CORO2B: variants seen among roughly 807,000 people sequenced by gnomAD.
CORO2B encodes coronin-2B.
In CORO2B, 26 loss-of-function variants were observed where a neutral mutation model predicts 58.8. The ratio of observed to expected loss-of-function variants is 0.44; its 90% CI spans 0.32 to 0.61. The LOEUF (loss-of-function observed/expected upper bound fraction) is 0.61, where lower values mean the gene tolerates loss of function less well. CORO2B is among the 20% of genes least tolerant of loss of function. CORO2B has a pLI of 0.04. For synonymous variants in CORO2B, 242 were observed against 253.8 expected, an observed-to-expected ratio of 0.95 and a Z score of 0.44; for missense variants, 460 against 645.1, an observed-to-expected ratio of 0.71 and a Z score of 3.11.
rs370341225 is a variant in CORO2B, at chr15:68,591,001, C to T, written c.15+11724C>T. ...AAAAAATTTGCTGAGCCCTGTGTGC[C>T]AGGCCCTAAGCGGCATTGAGGGTGC... On this transcript the variant is annotated intron_variant, in intron 1 of 11. Coordinates refer to ENST00000261861, the MANE Select transcript of CORO2B (RefSeq NM_006091.5). 2.6e-5 allele frequency among the ~76,000 whole-genome samples: 4 copies of T among 152,178 alleles called. No individual in the cohort carries two copies. The East Asian group carries it at 7.7e-4, about 29-fold the overall frequency.
At chr15:68,545,104 C>T in the CORO2B span, among the ~76,000 whole-genome samples, 8 of 152,092 alleles carry the variant, frequency 5.3e-5, no homozygotes, top group Non-Finnish European at 8.8e-5. Context: ...GGGTGGGAAT[C>T]GGTGTCCATA....
intron 2 of CORO2B, among the ~76,000 whole-genome samples, chr15:68,694,004 T>A (rs561627146): frequency 6.6e-6 from 1 of 152,196 alleles, no homozygotes; most frequent in Admixed American, 6.5e-5. Context: ...CCTGCTTAAT[T>A]TTTGTATTTT....
chr15:68,722,974 G>C (rs1255075823), intron 11 of CORO2B, among the ~76,000 whole-genome samples: 1 of 152,008 alleles, frequency 6.6e-6, no homozygotes, highest in Non-Finnish European at 1.5e-5. Flanking sequence ...GGCTGAGGCA[G>C]GAGAATCACT....
intron 2 of CORO2B, among the ~76,000 whole-genome samples, chr15:68,668,954 T>C (rs974267659): frequency 3.9e-5 from 6 of 152,078 alleles, no homozygotes; most frequent in Non-Finnish European, 8.8e-5. Flanking sequence ...GGCATGTGCC[T>C]GTAATCCCAA....
chr15:68,581,744 A>G (rs763350812), intron 1 of CORO2B, among the ~76,000 whole-genome samples: 10 of 152,132 alleles, frequency 6.6e-5, no homozygotes, highest in Non-Finnish European at 1.5e-4. Flanking sequence ...AACCCTAAAG[A>G]GGGTGTGAGA....
At chr15:68,642,560 G>A (rs1422080649) in intron 1 of CORO2B, among the ~76,000 whole-genome samples, 1 of 152,178 alleles carries the variant, frequency 6.6e-6, no homozygotes, top group Non-Finnish European at 1.5e-5. Flanking sequence ...GGCCTGCCAC[G>A]AGGCCAGTTA....
intron 2 of CORO2B, among the ~76,000 whole-genome samples, chr15:68,664,887 G>A (rs1251707994): frequency 2.6e-5 from 4 of 152,088 alleles, no homozygotes; most frequent in Admixed American, 2.0e-4. Context: ...CTTATTGATG[G>A]AAGAAGTCCT....
chr15:68,637,810 C>T (rs1308419725), intron 1 of CORO2B, among the ~76,000 whole-genome samples: 1 of 152,206 alleles, frequency 6.6e-6, no homozygotes, highest in Non-Finnish European at 1.5e-5. Flanking sequence ...AATGTAGCCA[C>T]ATTGCCCCCT....
intron 1 of CORO2B, among the ~76,000 whole-genome samples, chr15:68,621,162 A>G (rs1900505166): frequency 6.6e-6 from 1 of 152,136 alleles, no homozygotes; most frequent in Admixed American, 6.5e-5. Flanking sequence ...GCCATAAGCA[A>G]TGTAGCCACA....
intron 2 of CORO2B, among the ~76,000 whole-genome samples, chr15:68,694,590 T>G (rs912671471): frequency 2.6e-5 from 4 of 152,124 alleles, no homozygotes; most frequent in Non-Finnish European, 4.4e-5. Flanking sequence ...TGTAAGAGTA[T>G]ATAGGTGGAC....
In CORO2B at chr15:68,715,321, C is replaced by T. The variant is rs1893007893; in HGVS notation, c.967+10C>T. ...CCGCAGAAAGGCCTAGGTAAGTGGC[C>T]CCGAGGCTGCCACAGCTGGTGTGCT... On this transcript the variant is annotated intron_variant, in intron 8 of 11. Coordinates refer to ENST00000261861, the MANE Select transcript of CORO2B (RefSeq NM_006091.5). The T allele has an allele frequency of 1.9e-6, 3 of 1,592,936 alleles. No homozygotes were observed. The highest frequency in any genetic ancestry group is 1.3e-5 in the African/African-American group (1 of 74,612).
At chr15:68,634,657 G>A (rs1214839087) in intron 1 of CORO2B, among the ~76,000 whole-genome samples, 2 of 152,076 alleles carry the variant, frequency 1.3e-5, no homozygotes, top group African/African-American at 4.8e-5. Context: ...GCAGATTCTC[G>A]GGCCCCACCC....
chr15:68,568,386 G>A, the CORO2B span, among the ~76,000 whole-genome samples: 13 of 152,102 alleles, frequency 8.5e-5, no homozygotes, highest in African/African-American at 3.1e-4. Context: ...ACAAGTGCTG[G>A]CTACCATTTT....
chr15:68,605,018 G>T (rs1900072316), intron 1 of CORO2B, among the ~76,000 whole-genome samples: 3 of 152,084 alleles, frequency 2.0e-5, no homozygotes, highest in Admixed American at 2.0e-4. Flanking sequence ...GGAGACTGAG[G>T]CAGGAGAATC....
In CORO2B at chr15:68,585,531, T is replaced by C. The variant is rs577107664; in HGVS notation, c.15+6254T>C. 5.9e-5 allele frequency among the ~76,000 whole-genome samples: 9 copies of C among 152,246 alleles called. No homozygotes were observed. In the East Asian group the frequency reaches 1.7e-3, roughly 29 times the overall value. On this transcript the variant is annotated intron_variant, in intron 1 of 11. Coordinates refer to ENST00000261861, the MANE Select transcript of CORO2B (RefSeq NM_006091.5). ...GGCTCAAGGTCACAGGTTGAATGAATGGGTGGGGAGCAGGGATTTGTACCT... is the reference window on the plus strand; with the variant it reads ...GGCTCAAGGTCACAGGTTGAATGAACGGGTGGGGAGCAGGGATTTGTACCT...
At chr15:68,630,011 C>T (rs1163899403) in intron 1 of CORO2B, among the ~76,000 whole-genome samples, 3 of 152,204 alleles carry the variant, frequency 2.0e-5, no homozygotes, top group Admixed American at 6.5e-5. Flanking sequence ...TGTTCTGTCA[C>T]CCAGCATTGC....
chr15:68,594,177 C>T (rs945658295), intron 1 of CORO2B, among the ~76,000 whole-genome samples: 3 of 152,210 alleles, frequency 2.0e-5, no homozygotes, highest in African/African-American at 7.2e-5. Context: ...CTGAGGTTTG[C>T]AGCCAGAACT....
chr15:68,630,186 G>GA (rs966519608), intron 1 of CORO2B, among the ~76,000 whole-genome samples: 7 of 152,160 alleles, frequency 4.6e-5, no homozygotes, highest in African/African-American at 9.6e-5. Context: ...GAAAAAGAGG[G>GA]AAAAAATCTC....
intron 3 of CORO2B, among the ~76,000 whole-genome samples, chr15:68,706,175 G>A (rs1429028154): frequency 6.6e-6 from 1 of 152,126 alleles, no homozygotes; most frequent in African/African-American, 2.4e-5. Flanking sequence ...GAGCCAGGCT[G>A]ACCCCCGTGC....
Sources: allele counts gnomAD v4.1 joint callset (sites outside exome capture counted in the v4.1 genomes callset), GRCh38; gene constraint gnomAD v4.1.1; transcripts MANE v1.5; gene names NCBI Gene and HGNC (gene_info 2026-07-23, HGNC 2026-07-21).